Variants in KANK4 observed in about 807,000 individuals in gnomAD.
KANK4 encodes KN motif and ankyrin repeat domains 4.
KANK4 carries 50 observed loss-of-function variants against 80.8 expected under a neutral mutation model. The ratio of observed to expected loss-of-function variants is 0.62; its 90% CI spans 0.49 to 0.78. The LOEUF (loss-of-function observed/expected upper bound fraction) is 0.78. Among genes scored for constraint, KANK4 ranks in the 30% least tolerant of loss-of-function variants. KANK4 has a pLI of 0.00. For missense variants in KANK4, 1,196 were observed against 1,240.1 expected (o/e 0.96, Z 0.53); for synonymous variants, 465 against 506.9 (o/e 0.92, Z 1.11).
At chr1:62,292,412 C>T (rs376751985) in intron 1 of KANK4, among the ~76,000 whole-genome samples, 55 of 152,284 alleles carry the variant, frequency 3.6e-4, no homozygotes, top group African/African-American at 1.3e-3. Context: ...TATGTCTGCC[C>T]TTACATGGTG....
At chr1:62,255,390 G>GA (rs780891351) in intron 7 of KANK4, among the ~76,000 whole-genome samples, 5 of 152,012 alleles carry the variant, frequency 3.3e-5, no homozygotes, top group Admixed American at 6.6e-5. Flanking sequence ...TTACTTATCT[G>GA]AAAAAATTAT....
At chr1:62,289,581 T>C (rs2149159434) in intron 1 of KANK4, among the ~76,000 whole-genome samples, 1 of 152,228 alleles carries the variant, frequency 6.6e-6, no homozygotes. Context: ...AGTTTGTGCA[T>C]GTGCATAGGG....
chr1:62,261,838 G>A (rs149517559), intron 7 of KANK4, among the ~76,000 whole-genome samples: 1 of 152,138 alleles, frequency 6.6e-6, no homozygotes, highest in Non-Finnish European at 1.5e-5. Flanking sequence ...CTGCCTGGAA[G>A]ACTGTCTGCC....
At chr1:62,271,851 TCC>T (rs1427418979) in intron 3 of KANK4, 1 of 381,702 alleles carries the variant, frequency 2.6e-6, no homozygotes, top group African/African-American at 2.1e-5. Flanking sequence ...GCCATTGTTG[TCC>T]CTGTCTTACA....
In KANK4 at chr1:62,274,440, T is replaced by C. The variant is rs369263325; in HGVS notation, c.664A>G (p.Thr222Ala). The change falls in exon 3 of 10, where the codon ACT becomes GCT. Residue 222 changes from threonine to alanine, a missense_variant. Physicochemically the swap from Thr to Ala is moderately conservative, Grantham distance 58. Around this residue, in one of 3 missense-constraint regions of KANK4, gnomAD observed 1,154 missense variants for 1,179.6 expected, o/e 0.98. Coordinates refer to ENST00000371153, the MANE Select transcript of KANK4 (RefSeq NM_181712.5). ...GFHSSSPRAS[T>A]RIPELVQEGA... Reference sequence around the variant, plus strand: ...TCCTGGACCAGCTCTGGAATCCGAGTTGATGCTCGTGGGCTGGAGCTGTGG... The same window carrying C: ...TCCTGGACCAGCTCTGGAATCCGAGCTGATGCTCGTGGGCTGGAGCTGTGG... 77 of 1,613,982 alleles carry C rather than the reference T, an allele frequency of 4.8e-5. No individual in the cohort carries two copies. The highest frequency in any genetic ancestry group is 5.8e-5 in the Non-Finnish European group (69 of 1,180,018).
intron 9 of KANK4, 43 bp downstream of exon 9, chr1:62,247,429 C>A: frequency 6.3e-7 from 1 of 1,585,028 alleles, no homozygotes. Flanking sequence ...TATGAGCCAC[C>A]CTGCCCAGCA....
At chr1:62,248,963 G>C (rs1671539113) in intron 8 of KANK4, among the ~76,000 whole-genome samples, 1 of 144,592 alleles carries the variant, frequency 6.9e-6, no homozygotes, top group African/African-American at 2.5e-5. Context: ...AGGAGTTCAA[G>C]ACCAGCCTGG....
chr1:62,261,972 T>C (rs1467123676), intron 7 of KANK4, among the ~76,000 whole-genome samples: 1 of 152,120 alleles, frequency 6.6e-6, no homozygotes, highest in African/African-American at 2.4e-5. Context: ...TCCATCCCAA[T>C]TGCTAGGCTG....
intron 1 of KANK4, among the ~76,000 whole-genome samples, chr1:62,317,340 T>C (rs1489623966): frequency 6.6e-6 from 1 of 152,190 alleles, no homozygotes; most frequent in African/African-American, 2.4e-5. Context: ...AATGAACCGC[T>C]CGCTGCTCTT....
chr1:62,263,068 T>C (rs757217817), intron 7 of KANK4, 24 bp downstream of exon 7: 1 of 1,566,320 alleles, frequency 6.4e-7, no homozygotes, highest in East Asian at 2.2e-5. Flanking sequence ...GGACCCAGAC[T>C]GTATGAATGC....
At chr1:62,301,570 G>A (rs1644412274) in intron 1 of KANK4, among the ~76,000 whole-genome samples, 1 of 152,098 alleles carries the variant, frequency 6.6e-6, no homozygotes. Context: ...GATTAAGGGT[G>A]TGGGCTTTGG....
rs1416654677 is a variant in KANK4, at chr1:62,237,428, T to A, written c.*849A>T. 2.6e-5 allele frequency: 4 copies of A among 152,102 alleles called. No individual in the cohort carries two copies. The highest frequency in any genetic ancestry group is 6.5e-5 in the Admixed American group (1 of 15,270). 9.4% of individuals were successfully genotyped at this position (152,102 alleles called of 1,614,324 possible). On this transcript the variant is annotated 3_prime_UTR_variant, in exon 10 of 10. Transcript: ENST00000371153. ...GTGGCTTCTTGATGACAATAACCCA[T>A]CCTCAGGAGGAAGCTTTTTTTTGTT...
At chr1:62,275,313 A>G (rs1422193458) in intron 2 of KANK4, among the ~76,000 whole-genome samples, 2 of 152,126 alleles carry the variant, frequency 1.3e-5, no homozygotes, top group Non-Finnish European at 2.9e-5. Flanking sequence ...GGAAACAGGG[A>G]GAGGGAATGG....
chr1:62,242,841 C>T lies in KANK4; in HGVS notation c.2884-4460G>A, dbSNP rs572821768. On this transcript the variant is annotated intron_variant, in intron 9 of 9. Transcript: ENST00000371153. Reference sequence around the variant, plus strand: ...GTGGGTATGATAAGGGCCAGACTTTCCCTCTAAATGTGAAGCACCAGGTAC... The same window carrying T: ...GTGGGTATGATAAGGGCCAGACTTTTCCTCTAAATGTGAAGCACCAGGTAC... Among the ~76,000 whole-genome samples, 55 of 152,284 alleles carry T rather than the reference C, an allele frequency of 3.6e-4. No homozygotes were observed. In the Middle Eastern group the frequency reaches 0.017, roughly 47 times the overall value.
intron 8 of KANK4, among the ~76,000 whole-genome samples, chr1:62,249,473 G>C (rs1224001361): frequency 1.3e-5 from 2 of 151,410 alleles, no homozygotes; most frequent in Admixed American, 1.3e-4. Context: ...CTGCCTCCTG[G>C]GCTCAAGTGA....
At chr1:62,277,978 A>C (rs1419418553) in intron 2 of KANK4, among the ~76,000 whole-genome samples, 2 of 152,242 alleles carry the variant, frequency 1.3e-5, no homozygotes, top group East Asian at 1.9e-4. Flanking sequence ...CTATAAATGC[A>C]GCTGATATGG....
At chr1:62,244,521 T>C (rs1671421150) in intron 9 of KANK4, among the ~76,000 whole-genome samples, 3 of 152,194 alleles carry the variant, frequency 2.0e-5, no homozygotes, top group South Asian at 2.1e-4. Flanking sequence ...AGTGAGTAAG[T>C]CTCATGAGAT....
intron 1 of KANK4, among the ~76,000 whole-genome samples, chr1:62,312,808 G>A (rs1409030189): frequency 1.3e-5 from 2 of 152,206 alleles, no homozygotes; most frequent in African/African-American, 2.4e-5. Context: ...GTAGGGCAAG[G>A]GGTGGGTTGG....
At chr1:62,291,376 T>C (rs1672675122) in intron 1 of KANK4, among the ~76,000 whole-genome samples, 2 of 152,246 alleles carry the variant, frequency 1.3e-5, no homozygotes. Context: ...CTTCTTGATA[T>C]ATTTTGCAAT....
Sources: gnomAD v4.1 joint callset for allele counts (sites outside exome capture counted in the v4.1 genomes callset) on GRCh38, gnomAD v4.1.1 for gene constraint, gnomAD v4.1.1 regional missense constraint, MANE v1.5 for transcripts, NCBI Gene and HGNC (gene_info 2026-07-23, HGNC 2026-07-21) for gene names.